The following CLTC variants were observed in gnomAD, a reference collection of about 807,000 sequenced individuals.
CLTC encodes clathrin heavy chain.
CLTC carries 16 observed loss-of-function variants against 195.8 expected under a neutral mutation model. The observed-to-expected ratio is 0.08, with a 90% CI of 0.06 to 0.12. CLTC has a LOEUF of 0.12. Ranked by LOEUF, CLTC falls within the 10% of genes least tolerant of loss-of-function variation. CLTC has a pLI of 1.00. For synonymous variants in CLTC, 667 were observed against 689.4 expected, an observed-to-expected ratio of 0.97 and a Z score of 0.51; for missense variants, 796 against 2,027.0, an observed-to-expected ratio of 0.39 and a Z score of 11.66.
rs2033072405 is a variant in CLTC at position 59,681,143 on chromosome 17, TC to T, written c.3065+87del. Reference sequence around the variant, plus strand: ...TCAGTTTTGGGAAGGAACAAAAAGATCAGAGAAAGTTGCCTGAATTCTCACT... The same window carrying T: ...TCAGTTTTGGGAAGGAACAAAAAGATAGAGAAAGTTGCCTGAATTCTCACT... On this transcript the variant is annotated intron_variant, in intron 19 of 31. Coordinates refer to ENST00000269122, the MANE Select transcript of CLTC (RefSeq NM_004859.4). This position sits in a 1 kb window ranked among gnomAD's most constrained non-coding sequence, Gnocchi z 5.0. 16 of 1,512,950 alleles carry T rather than the reference TC, an allele frequency of 1.1e-5. 1 individual carries two copies. The South Asian group carries it at 1.8e-4, about 17-fold the overall frequency. The allele number at this position is 1,512,950 out of a possible 1,614,324, so 93.7% of individuals were successfully genotyped here.
intron 1 of CLTC, among the ~76,000 whole-genome samples, chr17:59,624,531 C>T (rs934669139): frequency 2.9e-5 from 4 of 136,052 alleles, no homozygotes; most frequent in South Asian, 2.5e-4. Flanking sequence ...TGCAGTGGTG[C>T]GATCTCGGCT....
At chr17:59,673,610 GA>G (rs2032902679) in intron 14 of CLTC, 36 bp from the exon 15 acceptor site, 15 of 1,556,346 alleles carry the variant, frequency 9.6e-6, no homozygotes, top group Non-Finnish European at 1.3e-5. Context: ...CCTCATAGAA[GA>G]AATTTAAAGT....
rs1024095790 is a variant in CLTC at position 59,655,558 on chromosome 17, G to C, written c.796-296G>C. Among the ~76,000 whole-genome samples, 3 of 144,424 alleles carry C rather than the reference G, an allele frequency of 2.1e-5. No individual in the cohort carries two copies. The East Asian group carries it at 7.4e-4, about 35-fold the overall frequency. The allele number at this position is 144,424 out of a possible 152,430, so 94.7% of individuals were successfully genotyped here. A position where few individuals can be genotyped will look rare whatever the true frequency, so the allele number is the denominator to read the frequency against. On this transcript the variant is annotated intron_variant, in intron 5 of 31. Coordinates refer to ENST00000269122, the MANE Select transcript of CLTC (RefSeq NM_004859.4). ...TTGCCATAAACCTTCCATTCGTAAA[G>C]ATTCATCTGCACTGCAAAGTGCAGT...
Position 59,660,373 on chromosome 17 carries a change from T to A in CLTC, c.970-18T>A, listed in dbSNP as rs370220165. 6.2e-7 allele frequency: 1 copy of A among 1,609,336 alleles called. No individual in the cohort carries two copies. The highest frequency in any genetic ancestry group is 1.3e-5 in the African/African-American group (1 of 74,852). ...CAAATGAACACATTGCAGCTACATT[T>A]TATTCTTTAAATTGCAGGTTCTGTC... On this transcript the variant is annotated intron_variant, in intron 6 of 31. Transcript: ENST00000269122.
chr17:59,641,171 GTT>G (rs2032020385), intron 1 of CLTC, among the ~76,000 whole-genome samples: 1 of 151,886 alleles, frequency 6.6e-6, no homozygotes, highest in Non-Finnish European at 1.5e-5. Context: ...GTTTGCTGGT[GTT>G]TTAACTCAAA....
chr17:59,690,986 C>T (rs532519134), intron 31 of CLTC, among the ~76,000 whole-genome samples: 46 of 152,240 alleles, frequency 3.0e-4, no homozygotes, highest in African/African-American at 9.9e-4. Context: ...ATTACCTGCT[C>T]ATAAATTACT....
intron 1 of CLTC, 29 bp downstream of exon 1, chr17:59,620,202 T>C: frequency 6.2e-7 from 1 of 1,611,746 alleles, no homozygotes; most frequent in Non-Finnish European, 8.5e-7. Flanking sequence ...TGGTGAGGGC[T>C]GTGGAGAAGG....
chr17:59,668,446 A>G (rs748723380), intron 13 of CLTC, among the ~76,000 whole-genome samples: 4 of 152,184 alleles, frequency 2.6e-5, no homozygotes, highest in Non-Finnish European at 5.9e-5. Context: ...GCTACTTAGG[A>G]GGTTGAGGTG....
At chr17:59,680,831 A>G (rs758113732) in intron 18 of CLTC, 81 bp from the exon 19 acceptor site, 2 of 1,160,184 alleles carry the variant, frequency 1.7e-6, no homozygotes, top group Non-Finnish European at 2.4e-6. Flanking sequence ...GCCTATTTCA[A>G]GTTTTCTAAT....
At chr17:59,655,491 T>C (rs759500356) in intron 5 of CLTC, among the ~76,000 whole-genome samples, 3 of 152,202 alleles carry the variant, frequency 2.0e-5, no homozygotes, top group Non-Finnish European at 4.4e-5. Context: ...AGAGAGCACA[T>C]GCTGTTGGAA....
chr17:59,695,960 A>AAAAC lies in CLTC; in HGVS notation c.*2111_*2114dup, dbSNP rs2033413306. ...AAAATACCAAGTACAGATGAACTAG[A>AAAAC]AAACAAGCATATATCCACAATTACC... On this transcript the variant is annotated 3_prime_UTR_variant, in exon 32 of 32. Transcript: ENST00000269122. 1 of 208,086 alleles carries AAAAC rather than the reference A, an allele frequency of 4.8e-6. No homozygotes were observed. The highest frequency in any genetic ancestry group is 2.3e-5 in the African/African-American group (1 of 44,002). 12.9% of individuals were successfully genotyped at this position (208,086 alleles called of 1,614,324 possible).
chr17:59,682,262 T>C lies in CLTC; in HGVS notation c.3443-9T>C, dbSNP rs2033095749. The C allele has an allele frequency of 1.1e-5, 17 of 1,607,798 alleles. No individual in the cohort carries two copies. The highest frequency in any genetic ancestry group is 1.4e-5 in the Non-Finnish European group (16 of 1,177,836). ...TGTTTGGATATATTTTTTCTTTTTC[T>C]ATACTTAGGAAACTGGGAAGAACTG... On this transcript the variant is annotated splice_polypyrimidine_tract_variant and intron_variant, in intron 21 of 31. Transcript: ENST00000269122. The surrounding 1 kb of genome is among the most constrained non-coding windows in gnomAD (Gnocchi z 6.8).
intron 14 of CLTC, among the ~76,000 whole-genome samples, chr17:59,671,368 A>C (rs150214969): frequency 5.1e-4 from 78 of 152,202 alleles, no homozygotes; most frequent in African/African-American, 1.8e-3. Flanking sequence ...ACTGTTATTA[A>C]ACTTAATTTT....
rs751309131 is a variant in CLTC at position 59,681,710 on chromosome 17, C to T, written c.3313C>T (p.Pro1105Ser). 6.2e-7 allele frequency: 1 copy of T among 1,613,962 alleles called. No individual in the cohort carries two copies. Among genetic ancestry groups the T allele is most frequent in the Non-Finnish European group, 8.5e-7 (1 of 1,179,940 alleles). ...AYEFAERCNE[P>S]AVWSQLAKAQ... ...TGAGTTTGCTGAACGTTGCAATGAA[C>T]CTGCGGTCTGGAGTCAACTTGCAAA... Residue 1105 changes from proline to serine, a missense_variant, in exon 21 of 32, where the codon CCT becomes TCT. Physicochemically the swap from Pro to Ser is moderately conservative, Grantham distance 74. Transcript: ENST00000269122. The surrounding 1 kb of genome is among the most constrained non-coding windows in gnomAD (Gnocchi z 5.0).
intron 2 of CLTC, among the ~76,000 whole-genome samples, chr17:59,645,864 C>CT (rs5821276): frequency 0.78 from 117,898 of 151,952 alleles, 46,697 homozygotes; most frequent in East Asian, 0.94. Context: ...ATTAAGCTTC[C>CT]TTCAGACTCT....
In CLTC at chr17:59,651,193, T is replaced by C. The variant is rs2032320480; in HGVS notation, c.682-10T>C. Reference sequence around the variant, plus strand: ...TAGGTTTATATACATTTTGATTTTCTTTTGAACAGTTACATATTATTGAAG... The same window carrying C: ...TAGGTTTATATACATTTTGATTTTCCTTTGAACAGTTACATATTATTGAAG... On this transcript the variant is annotated splice_polypyrimidine_tract_variant and intron_variant, in intron 4 of 31. Transcript: ENST00000269122. 4 of 1,561,538 alleles carry C rather than the reference T, an allele frequency of 2.6e-6. No homozygotes were observed. The highest frequency in any genetic ancestry group is 3.5e-6 in the Non-Finnish European group (4 of 1,134,938).
In CLTC at chr17:59,648,598, C is replaced by CTGTT. The variant is rs2032252388; in HGVS notation, c.681+198_681+201dup. ...GAATAATGTTCTTTCACAACTCGTT[C>CTGTT]TGTTGGCTGTTTATATTCTTTGATT... On this transcript the variant is annotated intron_variant, in intron 4 of 31. Transcript: ENST00000269122. This position sits in a 1 kb window ranked among gnomAD's most constrained non-coding sequence, Gnocchi z 4.5. The CTGTT allele has an allele frequency of 5.6e-6, 3 of 538,462 alleles. No individual in the cohort carries two copies. In the East Asian group the frequency reaches 8.9e-5, roughly 16 times the overall value. 33.4% of individuals were successfully genotyped at this position (538,462 alleles called of 1,614,324 possible). A position where few individuals can be genotyped will look rare whatever the true frequency, so the allele number is the denominator to read the frequency against.
chr17:59,651,253 A>G lies in CLTC; in HGVS notation c.732A>G (p.Pro244=). Reference sequence around the variant, plus strand: ...CACCTACAGGGAACCAGCCCTTTCCAAAGAAGGCAGTGGATGTCTTCTTTC... The same window carrying G: ...CACCTACAGGGAACCAGCCCTTTCCGAAGAAGGCAGTGGATGTCTTCTTTC... ...GTPPTGNQPF[P]KKAVDVFFPP... is the part of the protein sequence containing the mutation. Residue 244 remains proline (P), a synonymous_variant, in exon 5 of 32, where the codon CCA becomes CCG. Transcript: ENST00000269122. The G allele has an allele frequency of 6.2e-7, 1 of 1,614,076 alleles. No homozygotes were observed. Among genetic ancestry groups the G allele is most frequent in the Non-Finnish European group, 8.5e-7 (1 of 1,179,976 alleles).
intron 1 of CLTC, 56 bp from the exon 2 acceptor site, chr17:59,644,220 G>A: frequency 3.6e-6 from 5 of 1,398,592 alleles, no homozygotes; most frequent in Non-Finnish European, 5.0e-6. Flanking sequence ...GAGCATATAT[G>A]AATGTCAAGT....
Sources: gnomAD v4.1 joint callset for allele counts (sites outside exome capture counted in the v4.1 genomes callset) on GRCh38, gnomAD v4.1.1 for gene constraint, Gnocchi (gnomAD v3.1) non-coding constraint, MANE v1.5 for transcripts, NCBI Gene and HGNC (gene_info 2026-07-23, HGNC 2026-07-21) for gene names.